Variants in OPA1 observed in about 807,000 individuals in gnomAD.
The protein encoded by OPA1 is OPA1 mitochondrial dynamin like GTPase.
OPA1 carries 59 observed loss-of-function variants against 152.9 expected under a neutral mutation model. That is an observed-to-expected ratio of 0.39 (90% CI 0.31 to 0.48). The LOEUF (loss-of-function observed/expected upper bound fraction) is 0.48. Among genes scored for constraint, OPA1 ranks in the 20% least tolerant of loss-of-function variants. The pLI, the probability that OPA1 is intolerant of heterozygous loss-of-function variation, is 0.96. For synonymous variants in OPA1, 400 were observed against 389.9 expected (o/e 1.03, Z -0.31); for missense variants, 1,008 against 1,216.8 (o/e 0.83, Z 2.55).
intron 1 of OPA1, among the ~76,000 whole-genome samples, chr3:193,606,128 C>T (rs750336005): frequency 2.6e-5 from 4 of 151,996 alleles, no homozygotes; most frequent in Non-Finnish European, 4.4e-5. Context: ...GTTTATCAGC[C>T]GACAATCCCT....
intron 29 of OPA1, chr3:193,691,289 G>A (rs1300722379): frequency 1.3e-5 from 2 of 152,186 alleles, no homozygotes; most frequent in African/African-American, 4.8e-5. Flanking sequence ...ATTTTAAGAG[G>A]GGATTGGCAT....
intron 11 of OPA1, 82 bp downstream of exon 11, chr3:193,638,147 A>G (rs1374049992): frequency 2.1e-6 from 2 of 967,400 alleles, no homozygotes; most frequent in Admixed American, 1.9e-5. Context: ...TGAAATGAGG[A>G]CTTTTAACCA....
intron 20 of OPA1, chr3:193,648,377 G>A (rs1190071385): frequency 9.1e-6 from 4 of 441,782 alleles, no homozygotes; most frequent in African/African-American, 8.0e-5. Flanking sequence ...TTCTGAGAAG[G>A]TAATGAATGT....
intron 1 of OPA1, among the ~76,000 whole-genome samples, chr3:193,605,612 C>A (rs1727135673): frequency 6.6e-6 from 1 of 152,164 alleles, no homozygotes; most frequent in African/African-American, 2.4e-5. Flanking sequence ...TCGATCTTAT[C>A]AATTTCTGCC....
chr3:193,659,171 A>T (rs1179280028), intron 24 of OPA1, among the ~76,000 whole-genome samples, 176 bp downstream of exon 24: 1 of 152,240 alleles, frequency 6.6e-6, no homozygotes, highest in Non-Finnish European at 1.5e-5. Context: ...ACTAAAACCA[A>T]TGAATAAAAT....
chr3:193,651,193 G>C, intron 21 of OPA1, among the ~76,000 whole-genome samples: 1 of 152,176 alleles, frequency 6.6e-6, no homozygotes, highest in East Asian at 1.9e-4. Flanking sequence ...GGTGGTCACT[G>C]AAGAGGATTA....
At position 193,696,841 on chromosome 3, in the gene OPA1, AT is replaced by A; in HGVS notation, c.*2245del. On this transcript the variant is annotated 3_prime_UTR_variant, in exon 31 of 31. Coordinates refer to ENST00000361510, the MANE Select transcript of OPA1 (RefSeq NM_130837.3). ...CAAACTTAATTTGGCTAGGACTTCA[AT>A]TTTAAAAATCAGTGTACCTAGGCAG... 6.6e-6 allele frequency: 1 copy of A among 152,370 alleles called. No homozygotes were observed. Among genetic ancestry groups the A allele is most frequent in the Middle Eastern group, 3.4e-3 (1 of 294 alleles). 9.4% of individuals were successfully genotyped at this position (152,370 alleles called of 1,614,324 possible).
Position 193,637,176 on chromosome 3 carries a change from C to T in OPA1, c.949-19C>T. 1 of 1,440,184 alleles carries T rather than the reference C, an allele frequency of 6.9e-7. No homozygotes were observed. Among genetic ancestry groups the T allele is most frequent in the East Asian group, 2.3e-5 (1 of 42,666 alleles). The allele number at this position is 1,440,184 out of a possible 1,614,324, so 89.2% of individuals were successfully genotyped here. A position where few individuals can be genotyped will look rare whatever the true frequency, so the allele number is the denominator to read the frequency against. On this transcript the variant is annotated intron_variant, in intron 9 of 30. Coordinates refer to ENST00000361510, the MANE Select transcript of OPA1 (RefSeq NM_130837.3). The stretch of plus-strand genomic sequence containing the variant: ...TTACTTTTACTGTTTTATATTATAA[C>T]TTTTTAAAATTTTTACAGAAATCTT...
intron 29 of OPA1, among the ~76,000 whole-genome samples, chr3:193,681,824 G>A (rs1045557742): frequency 6.6e-6 from 1 of 152,168 alleles, no homozygotes; most frequent in Non-Finnish European, 1.5e-5. Flanking sequence ...ATCAGTAAAC[G>A]TGTGTATTCT....
intron 29 of OPA1, among the ~76,000 whole-genome samples, chr3:193,684,337 C>T (rs1720627179): frequency 6.6e-6 from 1 of 152,020 alleles, no homozygotes; most frequent in Non-Finnish European, 1.5e-5. Flanking sequence ...ATACAGTCTC[C>T]CATAAATATT....
chr3:193,674,370 GA>G (rs1718544873), intron 29 of OPA1, among the ~76,000 whole-genome samples: 1 of 152,128 alleles, frequency 6.6e-6, no homozygotes, highest in Admixed American at 6.5e-5. Flanking sequence ...TGTTTTAAAT[GA>G]AAACTTTGTT....
intron 21 of OPA1, 47 bp from the exon 22 acceptor site, chr3:193,654,815 A>G: frequency 1.3e-6 from 2 of 1,581,686 alleles, no homozygotes; most frequent in Non-Finnish European, 8.6e-7. Flanking sequence ...GTTTTTAAAA[A>G]CAATATTATA....
In OPA1 at chr3:193,652,569, A is replaced by G. The variant is rs926311226; in HGVS notation, c.2013-2293A>G. On this transcript the variant is annotated intron_variant, in intron 21 of 30. Transcript: ENST00000361510. ...CTGGGGTGAGGAGGACTTAACTTCT[A>G]CTTTCTAACTCTGAAGGCCATTTAA... Among the ~76,000 whole-genome samples, 3 of 152,268 alleles carry G rather than the reference A, an allele frequency of 2.0e-5. No homozygotes were observed. The East Asian group carries it at 5.8e-4, about 29-fold the overall frequency.
In OPA1 at chr3:193,596,347, T is replaced by C. The variant is rs1223141588; in HGVS notation, c.32+2938T>C. On this transcript the variant is annotated intron_variant, in intron 1 of 30. Transcript: ENST00000361510. ...TTTCCTTTCCTTTCCTTTTCTTTTC[T>C]TTTCTTTTCTTTTCTTAATTTTCTT... Among the ~76,000 whole-genome samples, 215 of 140,580 alleles carry C rather than the reference T, an allele frequency of 1.5e-3. 1 individual carries two copies. The highest frequency in any genetic ancestry group is 5.3e-3 in the African/African-American group (196 of 37,152). 92.2% of individuals were successfully genotyped at this position (140,580 alleles called of 152,430 possible). A position where few individuals can be genotyped will look rare whatever the true frequency, so the allele number is the denominator to read the frequency against.
intron 29 of OPA1, among the ~76,000 whole-genome samples, chr3:193,685,536 A>G (rs1377372547): frequency 6.6e-6 from 1 of 152,200 alleles, no homozygotes; most frequent in African/African-American, 2.4e-5. Flanking sequence ...TCTATTACAT[A>G]GCAAGCAGTG....
intron 8 of OPA1, among the ~76,000 whole-genome samples, chr3:193,633,844 C>A (rs1732495969): frequency 6.6e-6 from 1 of 152,108 alleles, no homozygotes. Flanking sequence ...CAACACAGAT[C>A]TAATCCTTAG....
At chr3:193,665,071 T>G in intron 27 of OPA1, 75 bp downstream of exon 27, 2 of 823,292 alleles carry the variant, frequency 2.4e-6, no homozygotes, top group Non-Finnish European at 4.2e-6. Context: ...AAACTTTAGC[T>G]TAAGCATTAA....
chr3:193,690,714 T>C (rs1265253139), intron 29 of OPA1, among the ~76,000 whole-genome samples: 1 of 152,164 alleles, frequency 6.6e-6, no homozygotes, highest in Non-Finnish European at 1.5e-5. Context: ...GCAGATTATT[T>C]ACTTTTAAAT....
chr3:193,613,873 C>T (rs1321370882), intron 1 of OPA1: 1 of 515,256 alleles, frequency 1.9e-6, no homozygotes, highest in Non-Finnish European at 3.9e-6. Flanking sequence ...CCACCACACC[C>T]TGCCTCCTTC....
Sources: allele counts gnomAD v4.1 joint callset (sites outside exome capture counted in the v4.1 genomes callset), GRCh38; gene constraint gnomAD v4.1.1; transcripts MANE v1.5; gene names NCBI Gene and HGNC (gene_info 2026-07-23, HGNC 2026-07-21).